ROBO1: variants seen among roughly 807,000 people sequenced by gnomAD.
The protein encoded by ROBO1 is roundabout homolog 1.
A neutral mutation model predicts 195.9 loss-of-function variants in ROBO1; 149 were observed. The ratio of observed to expected loss-of-function variants is 0.76; its 90% CI spans 0.67 to 0.87. The LOEUF is 0.87. Ranked by LOEUF, ROBO1 falls within the 40% of genes least tolerant of loss-of-function variation. The pLI is 0.00. For synonymous variants in ROBO1, 816 were observed against 733.2 expected, an observed-to-expected ratio of 1.11 and a Z score of -1.82; for missense variants, 1,933 against 2,068.3, an observed-to-expected ratio of 0.93 and a Z score of 1.27.
chr3:79,102,397 T>A (rs1029099293), intron 3 of ROBO1, among the ~76,000 whole-genome samples: 4 of 151,632 alleles, frequency 2.6e-5, no homozygotes, highest in Admixed American at 6.6e-5. Flanking sequence ...GTTCTGAGAG[T>A]CCAAGGTTTT....
intron 3 of ROBO1, among the ~76,000 whole-genome samples, chr3:78,944,940 T>C (rs2040341281): frequency 6.6e-6 from 1 of 152,118 alleles, no homozygotes; most frequent in Admixed American, 6.5e-5. Context: ...CAGATCAAAC[T>C]GCAAGGCGGC....
chr3:78,989,040 G>A (rs983276135), intron 3 of ROBO1, among the ~76,000 whole-genome samples: 2 of 152,084 alleles, frequency 1.3e-5, no homozygotes, highest in Non-Finnish European at 2.9e-5. Flanking sequence ...TTTGTTAAAG[G>A]ATATAAAATT....
chr3:79,240,088 T>C (rs947566914), intron 2 of ROBO1, among the ~76,000 whole-genome samples: 2 of 152,186 alleles, frequency 1.3e-5, no homozygotes, highest in Non-Finnish European at 2.9e-5. Flanking sequence ...TGTTTAGGTA[T>C]GTAGTACTTG....
intron 3 of ROBO1, among the ~76,000 whole-genome samples, chr3:79,055,671 T>A (rs767653944): frequency 1.5e-4 from 23 of 152,218 alleles, no homozygotes; most frequent in Middle Eastern, 3.4e-3. Flanking sequence ...CCAGTCAGCA[T>A]GTGATGGAAA....
At chr3:78,775,270 G>A (rs1329989260) in intron 4 of ROBO1, among the ~76,000 whole-genome samples, 2 of 152,198 alleles carry the variant, frequency 1.3e-5, no homozygotes, top group Non-Finnish European at 1.5e-5. Flanking sequence ...TAGCTCATGT[G>A]TGTAATTGTT....
At chr3:78,897,952 A>G (rs2037338170) in intron 4 of ROBO1, among the ~76,000 whole-genome samples, 1 of 151,782 alleles carries the variant, frequency 6.6e-6, no homozygotes, top group Admixed American at 6.6e-5. Flanking sequence ...TAGTTAGTAA[A>G]CCAAAATACA....
chr3:79,474,898 G>C (rs1274215151), intron 2 of ROBO1, among the ~76,000 whole-genome samples: 1 of 151,956 alleles, frequency 6.6e-6, no homozygotes, highest in Non-Finnish European at 1.5e-5. Context: ...TAGCAAATCA[G>C]ATTTGTTTTT....
At chr3:78,947,065 AT>A (rs1204640735) in intron 3 of ROBO1, among the ~76,000 whole-genome samples, 1 of 152,112 alleles carries the variant, frequency 6.6e-6, no homozygotes, top group East Asian at 1.9e-4. Context: ...CTCCCACACA[AT>A]AATAATGGGA....
intron 4 of ROBO1, among the ~76,000 whole-genome samples, chr3:78,860,302 CTATA>C (rs1200780060): frequency 3.9e-4 from 41 of 104,740 alleles, no homozygotes; most frequent in African/African-American, 1.5e-3. Context: ...TTGAAATATA[CTATA>C]TATATATATA....
chr3:78,620,218 T>C (rs1253001970), intron 26 of ROBO1, among the ~76,000 whole-genome samples: 1 of 151,862 alleles, frequency 6.6e-6, no homozygotes, highest in Non-Finnish European at 1.5e-5. Context: ...CATGGGAGTT[T>C]TTTGAAGAAA....
chr3:79,219,209 T>C (rs1198608755), intron 2 of ROBO1, among the ~76,000 whole-genome samples: 1 of 151,982 alleles, frequency 6.6e-6, no homozygotes. Context: ...ACTTTTCAAT[T>C]GTTTGTTTTT....
At chr3:78,663,693 C>A (rs530764748) in intron 14 of ROBO1, among the ~76,000 whole-genome samples, 34 of 152,308 alleles carry the variant, frequency 2.2e-4, no homozygotes, top group African/African-American at 7.9e-4. Flanking sequence ...GTGGTAAAAG[C>A]TGTCTTGTGG....
intron 1 of ROBO1, among the ~76,000 whole-genome samples, chr3:79,639,935 C>G (rs1256293540): frequency 2.6e-5 from 4 of 152,170 alleles, no homozygotes; most frequent in Non-Finnish European, 4.4e-5. Flanking sequence ...TAGTGAGCAT[C>G]TGCATCAGTA....
At chr3:79,182,179 G>A (rs188968452) in intron 2 of ROBO1, among the ~76,000 whole-genome samples, 2 of 152,062 alleles carry the variant, frequency 1.3e-5, no homozygotes, top group Admixed American at 6.5e-5. Flanking sequence ...ATAAATTTGC[G>A]AACCTAGAAT....
At chr3:78,814,661 T>A (rs2108644308) in intron 4 of ROBO1, among the ~76,000 whole-genome samples, 1 of 152,220 alleles carries the variant, frequency 6.6e-6, no homozygotes, top group South Asian at 2.1e-4. Flanking sequence ...CTAAGCAATA[T>A]TTTGGCAAAC....
chr3:78,796,802 T>C (rs906913291), intron 4 of ROBO1, among the ~76,000 whole-genome samples: 4 of 152,174 alleles, frequency 2.6e-5, no homozygotes, highest in African/African-American at 7.2e-5. Context: ...TTTCTCCTTC[T>C]CTCTGCAACA....
intron 3 of ROBO1, among the ~76,000 whole-genome samples, chr3:79,083,790 A>G (rs1387243855): frequency 1.3e-5 from 2 of 152,194 alleles, no homozygotes; most frequent in African/African-American, 4.8e-5. Context: ...CTAAAAGACA[A>G]TTCTCTCAGG....
At position 79,396,351 on chromosome 3, in the gene ROBO1, T is replaced by C. The variant is rs560249721; in HGVS notation, c.88+193473A>G. 2.6e-5 allele frequency among the ~76,000 whole-genome samples: 4 copies of C among 152,220 alleles called. No individual in the cohort carries two copies. In the South Asian group the frequency reaches 6.2e-4, roughly 24 times the overall value. ...AAAATTTCCTGAATTTTAACATCTT[T>C]TGATATATTCTATACTAGGGTGACA... On this transcript the variant is annotated intron_variant, in intron 2 of 30. Coordinates refer to ENST00000464233, the MANE Select transcript of ROBO1 (RefSeq NM_002941.4).
intron 1 of ROBO1, among the ~76,000 whole-genome samples, chr3:79,617,699 T>G (rs1040639294): frequency 2.6e-5 from 4 of 151,098 alleles, no homozygotes; most frequent in African/African-American, 4.9e-5. Context: ...TCTCTAGCAA[T>G]GGAACCTAAC....
Sources: allele counts gnomAD v4.1 joint callset (sites outside exome capture counted in the v4.1 genomes callset), GRCh38; gene constraint gnomAD v4.1.1; transcripts MANE v1.5; gene names NCBI Gene and HGNC (gene_info 2026-07-23, HGNC 2026-07-21).